RANBP2: variants seen among roughly 807,000 people sequenced by gnomAD.
RANBP2 encodes the protein RAN binding protein 2.
Under a neutral mutation model 303.6 loss-of-function variants are expected in RANBP2, and 57 were observed. That is an observed-to-expected ratio of 0.19 (90% CI 0.15 to 0.23). The LOEUF (loss-of-function observed/expected upper bound fraction) is 0.23, where lower values mean the gene tolerates loss of function less well. RANBP2 is among the 10% of genes least tolerant of loss of function. RANBP2 has a pLI of 1.00. For synonymous variants in RANBP2, 1,167 were observed against 1,301.5 expected (o/e 0.90, Z 2.23); for missense variants, 3,138 against 3,780.8 (o/e 0.83, Z 4.46).
rs1187601406 is a variant in RANBP2, at chr2:108,740,542, C to T, written c.836C>T (p.Ser279Leu). 6.3e-7 allele frequency: 1 copy of T among 1,597,506 alleles called. No homozygotes were observed. The highest frequency in any genetic ancestry group is 1.1e-5 in the South Asian group (1 of 90,988). Residue 279 changes from serine to leucine, a missense_variant, in exon 7 of 29, where the codon TCA becomes TTA. Ser to Leu is a moderately radical substitution (Grantham distance 145). Coordinates refer to ENST00000283195, the MANE Select transcript of RANBP2 (RefSeq NM_006267.5). ...TCTTTGGGTGGAAATGATGAACTGTCAGCTACTTTCTTAGAAATGAAAGGA... is the reference window on the plus strand; with the variant it reads ...TCTTTGGGTGGAAATGATGAACTGTTAGCTACTTTCTTAGAAATGAAAGGA... ...VKSLGGNDELSATFLEMKGHF... is the reference protein window; with the variant it reads ...VKSLGGNDELLATFLEMKGHF...
chr2:109,476,125 GA>G, the RANBP2 span, among the ~76,000 whole-genome samples: 1 of 152,176 alleles, frequency 6.6e-6, no homozygotes, highest in South Asian at 2.1e-4. Flanking sequence ...AAACTAAGAG[GA>G]AATTATTTAA....
the RANBP2 span, among the ~76,000 whole-genome samples, chr2:109,684,500 A>G: frequency 6.7e-6 from 1 of 149,622 alleles, no homozygotes; most frequent in Non-Finnish European, 1.5e-5. Flanking sequence ...CGGTCTCCCA[A>G]AGTGCTGGGA....
At chr2:109,615,620 G>A in the RANBP2 span, 416,964 of 1,613,918 alleles carry the variant, frequency 0.26, 57,336 homozygotes, top group Admixed American at 0.48. Context: ...GTGGGAAAAA[G>A]GCCTCCCAGT....
chr2:108,917,028 G>A, the RANBP2 span, among the ~76,000 whole-genome samples: 10 of 152,316 alleles, frequency 6.6e-5, no homozygotes, highest in South Asian at 6.2e-4. Flanking sequence ...CTCGGAGCTC[G>A]GCAATAAGGA....
chr2:109,490,434 A>G, the RANBP2 span, among the ~76,000 whole-genome samples: 2 of 152,328 alleles, frequency 1.3e-5, no homozygotes, highest in East Asian at 3.9e-4. Context: ...GTGCAAGAAA[A>G]TGCTGGTACT....
the RANBP2 span, among the ~76,000 whole-genome samples, chr2:109,689,168 A>G: frequency 1.3e-5 from 2 of 152,010 alleles, no homozygotes; most frequent in African/African-American, 4.8e-5. Context: ...CGGCCTCCCA[A>G]AGTGCTGAGA....
At chr2:109,051,073 G>A in the RANBP2 span, among the ~76,000 whole-genome samples, 4 of 152,136 alleles carry the variant, frequency 2.6e-5, no homozygotes, top group African/African-American at 7.2e-5. Flanking sequence ...ATTCTGCTCT[G>A]AAATGCATGC....
the RANBP2 span, among the ~76,000 whole-genome samples, chr2:109,092,956 G>A: frequency 6.6e-6 from 1 of 152,194 alleles, no homozygotes; most frequent in African/African-American, 2.4e-5. Flanking sequence ...AGGCTGGTCA[G>A]TTACAAACTT....
chr2:109,663,589 A>T, the RANBP2 span, among the ~76,000 whole-genome samples: 2 of 152,316 alleles, frequency 1.3e-5, no homozygotes, highest in Non-Finnish European at 2.9e-5. Flanking sequence ...AAATTCCCTT[A>T]CTGATCATAT....
At chr2:109,396,489 C>T in the RANBP2 span, among the ~76,000 whole-genome samples, 2 of 152,232 alleles carry the variant, frequency 1.3e-5, no homozygotes, top group Middle Eastern at 3.2e-3. Context: ...ATCTGCTCGG[C>T]CTGCACGGAG....
the RANBP2 span, among the ~76,000 whole-genome samples, chr2:109,434,379 T>A: frequency 0.013 from 1,993 of 152,328 alleles, 52 homozygotes; most frequent in African/African-American, 0.046. Flanking sequence ...CTCTGATTCT[T>A]CCTTTATCTT....
chr2:108,816,663 A>G, the RANBP2 span, among the ~76,000 whole-genome samples: 1 of 152,112 alleles, frequency 6.6e-6, no homozygotes, highest in Non-Finnish European at 1.5e-5. Flanking sequence ...TGCTTTCATG[A>G]GGGCATCCCT....
At chr2:109,260,945 G>A in the RANBP2 span, among the ~76,000 whole-genome samples, 2 of 152,186 alleles carry the variant, frequency 1.3e-5, no homozygotes, top group African/African-American at 4.8e-5. Context: ...TACAAGCAGT[G>A]AGGCTGGACT....
chr2:109,264,691 G>C, the RANBP2 span, among the ~76,000 whole-genome samples: 1 of 152,352 alleles, frequency 6.6e-6, no homozygotes, highest in African/African-American at 2.4e-5. Flanking sequence ...CCCAGTGGAT[G>C]CTAGATGTTT....
At chr2:109,371,373 G>A in the RANBP2 span, among the ~76,000 whole-genome samples, 1 of 152,236 alleles carries the variant, frequency 6.6e-6, no homozygotes, top group Non-Finnish European at 1.5e-5. Context: ...CTGGGTGGCA[G>A]AGCGAGACTC....
the RANBP2 span, among the ~76,000 whole-genome samples, chr2:109,379,886 G>A: frequency 8.7e-4 from 132 of 152,316 alleles, no homozygotes; most frequent in Non-Finnish European, 1.5e-3. Flanking sequence ...GTGATGTTGT[G>A]TCTATGTCTG....
At chr2:108,846,975 A>C in the RANBP2 span, 2 of 1,039,604 alleles carry the variant, frequency 1.9e-6, no homozygotes, top group Non-Finnish European at 2.9e-6. Flanking sequence ...GAAACAATAG[A>C]GAATATCATA....
chr2:108,828,559 A>G, the RANBP2 span, among the ~76,000 whole-genome samples: 7 of 152,344 alleles, frequency 4.6e-5, no homozygotes, highest in Admixed American at 1.3e-4. Flanking sequence ...ATATAGTCCA[A>G]TGATTTTTGA....
At chr2:109,609,957 G>C in the RANBP2 span, among the ~76,000 whole-genome samples, 5 of 152,116 alleles carry the variant, frequency 3.3e-5, no homozygotes, top group African/African-American at 4.8e-5. Context: ...TATACAGCCA[G>C]GATCTCCTGA....
Sources: allele counts gnomAD v4.1 joint callset (sites outside exome capture counted in the v4.1 genomes callset), GRCh38; gene constraint gnomAD v4.1.1; transcripts MANE v1.5; gene names NCBI Gene and HGNC (gene_info 2026-07-23, HGNC 2026-07-21).